Variants in TBC1D15 observed in about 807,000 individuals in gnomAD.
The protein encoded by TBC1D15 is TBC1 domain family member 15, also known as GAP for RAB7.
In TBC1D15, 39 loss-of-function variants were observed where a neutral mutation model predicts 95.4. The observed-to-expected ratio is 0.41, with a 90% CI of 0.32 to 0.53. The LOEUF is 0.53. Ranked by LOEUF, TBC1D15 falls within the 20% of genes least tolerant of loss-of-function variation. The pLI is 0.29. For missense variants in TBC1D15, 733 were observed against 794.3 expected, an observed-to-expected ratio of 0.92 and a Z score of 0.93; for synonymous variants, 258 against 261.3, an observed-to-expected ratio of 0.99 and a Z score of 0.12.
intron 1 of TBC1D15, among the ~76,000 whole-genome samples, chr12:71,856,927 T>C (rs1889216757): frequency 6.6e-6 from 1 of 152,212 alleles, no homozygotes; most frequent in Non-Finnish European, 1.5e-5. Flanking sequence ...CTTGATTTTC[T>C]TGCAGTTTTT....
intron 7 of TBC1D15, 29 bp downstream of exon 7, chr12:71,894,912 C>G: frequency 6.3e-7 from 1 of 1,576,462 alleles, no homozygotes; most frequent in Non-Finnish European, 8.7e-7. Context: ...TAATATAGCT[C>G]TTATATTTTA....
At chr12:71,861,565 G>T in intron 1 of TBC1D15, 1 of 1,362,318 alleles carries the variant, frequency 7.3e-7, no homozygotes, top group South Asian at 1.6e-5. Flanking sequence ...TTAAATTTCT[G>T]ATTTTATTTG....
chr12:71,870,860 G>A (rs2138284573), intron 1 of TBC1D15, among the ~76,000 whole-genome samples: 1 of 152,260 alleles, frequency 6.6e-6, no homozygotes, highest in South Asian at 2.1e-4. Flanking sequence ...CTAAAAACAG[G>A]AAGATACATA....
intron 1 of TBC1D15, among the ~76,000 whole-genome samples, chr12:71,840,581 T>TA (rs1241845166): frequency 2.0e-5 from 3 of 152,170 alleles, no homozygotes; most frequent in Non-Finnish European, 1.5e-5. Context: ...TATGCATAGT[T>TA]AGGGCTATCA....
Position 71,907,046 on chromosome 12 carries a change from G to A in TBC1D15, c.1208G>A (p.Arg403Gln), listed in dbSNP as rs754319620. The change falls in exon 11 of 17, where the codon CGA (arginine) becomes CAA (glutamine). Residue 403 changes from arginine to glutamine, a missense_variant. Arg to Gln is a conservative substitution (Grantham distance 43, BLOSUM62 1). Transcript: ENST00000485960. ...GAAAAAGATGTTAACAGAACAGATC[G>A]AACAAACAAGTTTTATGAAGGCCAA... The part of the protein sequence containing the change: ...LIEKDVNRTD[R>Q]TNKFYEGQDN... 7.5e-6 allele frequency: 12 copies of A among 1,610,258 alleles called. No homozygotes were observed. The highest frequency in any genetic ancestry group is 1.7e-5 in the Admixed American group (1 of 59,410).
At chr12:71,885,728 A>G (rs577124071) in intron 5 of TBC1D15, among the ~76,000 whole-genome samples, 3 of 152,200 alleles carry the variant, frequency 2.0e-5, no homozygotes, top group African/African-American at 7.2e-5. Flanking sequence ...AATGAGGGGC[A>G]CTTAATTCAG....
chr12:71,902,770 A>T (rs7965232), intron 10 of TBC1D15, among the ~76,000 whole-genome samples: 13,575 of 152,256 alleles, frequency 0.089, 688 homozygotes, highest in East Asian at 0.16. Flanking sequence ...AGAAACTATC[A>T]ATCAACAGGG....
At chr12:71,859,016 T>C (rs1592709384) in intron 1 of TBC1D15, among the ~76,000 whole-genome samples, 3 of 152,156 alleles carry the variant, frequency 2.0e-5, no homozygotes, top group Non-Finnish European at 4.4e-5. Context: ...TAGTCATCAG[T>C]TAATTAGCCT....
At chr12:71,845,440 T>C (rs1886056694) in intron 1 of TBC1D15, among the ~76,000 whole-genome samples, 1 of 152,158 alleles carries the variant, frequency 6.6e-6, no homozygotes, top group African/African-American at 2.4e-5. Flanking sequence ...GTCTGGATGG[T>C]GAAAGAAGCA....
At chr12:71,890,715 A>G (rs1469847251) in intron 5 of TBC1D15, among the ~76,000 whole-genome samples, 1 of 152,204 alleles carries the variant, frequency 6.6e-6, no homozygotes, top group Non-Finnish European at 1.5e-5. Flanking sequence ...AGTCAGTGCA[A>G]CATAGGCCAT....
At chr12:71,853,867 T>C (rs924361093) in intron 1 of TBC1D15, among the ~76,000 whole-genome samples, 2 of 152,204 alleles carry the variant, frequency 1.3e-5, no homozygotes, top group Non-Finnish European at 2.9e-5. Context: ...CTCTGACTGG[T>C]GCAAACAGTT....
intron 1 of TBC1D15, among the ~76,000 whole-genome samples, chr12:71,842,735 G>A (rs1418840207): frequency 6.6e-6 from 1 of 151,686 alleles, no homozygotes; most frequent in Non-Finnish European, 1.5e-5. Flanking sequence ...GGAGGCTGAG[G>A]TGGGAAGATT....
chr12:71,840,681 T>A (rs1225323196), intron 1 of TBC1D15, among the ~76,000 whole-genome samples: 1 of 152,216 alleles, frequency 6.6e-6, no homozygotes, highest in East Asian at 1.9e-4. Context: ...CGAACACTAA[T>A]GGTTGTTTAC....
intron 3 of TBC1D15, among the ~76,000 whole-genome samples, chr12:71,877,559 CCTTT>C (rs1409405382): frequency 0.026 from 2,604 of 99,214 alleles, 65 homozygotes; most frequent in South Asian, 0.034. Flanking sequence ...TTCCTTCCTT[CCTTT>C]CTTCTTTTTC....
intron 3 of TBC1D15, among the ~76,000 whole-genome samples, chr12:71,878,844 T>C (rs963215783): frequency 4.6e-5 from 7 of 151,108 alleles, no homozygotes; most frequent in Non-Finnish European, 8.8e-5. Flanking sequence ...AAAAAAAAAC[T>C]AGTCAAACAA....
intron 1 of TBC1D15, chr12:71,841,023 A>G: frequency 6.6e-6 from 1 of 152,252 alleles, no homozygotes; most frequent in East Asian, 1.9e-4. Context: ...TGGCTCTTTT[A>G]AAGGATAGGT....
At chr12:71,853,153 T>A (rs1328748490) in intron 1 of TBC1D15, among the ~76,000 whole-genome samples, 1 of 152,148 alleles carries the variant, frequency 6.6e-6, no homozygotes, top group African/African-American at 2.4e-5. Flanking sequence ...TCAGGAAACT[T>A]ACAATCATGG....
intron 10 of TBC1D15, among the ~76,000 whole-genome samples, chr12:71,904,315 C>T (rs1165021509): frequency 2.0e-5 from 3 of 152,082 alleles, no homozygotes; most frequent in African/African-American, 4.8e-5. Flanking sequence ...TGGATTGGTG[C>T]ATGTGATAAC....
At position 71,923,193 on chromosome 12, in the gene TBC1D15, A is replaced by T; in HGVS notation, c.2014A>T (p.Thr672Ser). 1 of 1,614,000 alleles carries T rather than the reference A, an allele frequency of 6.2e-7. No homozygotes were observed. Among genetic ancestry groups the T allele is most frequent in the Non-Finnish European group, 8.5e-7 (1 of 1,179,856 alleles). The change falls in exon 17 of 17, where the codon ACA (threonine) becomes TCA (serine). Residue 672 changes from threonine (T) to serine (S), a missense_variant. By Grantham distance (58) the Thr-to-Ser change is moderately conservative (BLOSUM62 1). Coordinates refer to ENST00000485960, the MANE Select transcript of TBC1D15 (RefSeq NM_001146213.3). Reference sequence around the variant, plus strand: ...AGTGTCCTCAGATGTCTGCAGATTAACACCTGCATGATCACTGTTCTTGCT... The same window carrying T: ...AGTGTCCTCAGATGTCTGCAGATTATCACCTGCATGATCACTGTTCTTGCT... ...IPVSSDVCRLTPA is the reference protein window; with the variant it reads ...IPVSSDVCRLSPA
Sources: allele counts gnomAD v4.1 joint callset (sites outside exome capture counted in the v4.1 genomes callset), GRCh38; gene constraint gnomAD v4.1.1; transcripts MANE v1.5; gene names NCBI Gene and HGNC (gene_info 2026-07-23, HGNC 2026-07-21).